The following GOLM2 variants were observed in gnomAD, a reference collection of about 807,000 sequenced individuals.
GOLM2 encodes the protein golgi membrane protein 2.
Under a neutral mutation model 55.9 loss-of-function variants are expected in GOLM2, and 26 were observed. The ratio of observed to expected loss-of-function variants is 0.47; its 90% confidence interval spans 0.34 to 0.65. GOLM2 has a LOEUF of 0.65. GOLM2 is among the 30% of genes least tolerant of loss of function. The pLI is 0.01. For missense variants in GOLM2, 486 were observed against 531.8 expected, an observed-to-expected ratio of 0.91 and a Z score of 0.85; for synonymous variants, 165 against 194.6, an observed-to-expected ratio of 0.85 and a Z score of 1.27.
intron 6 of GOLM2, among the ~76,000 whole-genome samples, chr15:44,358,568 A>G (rs994567564): frequency 6.6e-6 from 1 of 152,230 alleles, no homozygotes; most frequent in Non-Finnish European, 1.5e-5. Flanking sequence ...ACATAAATAT[A>G]GTCAACTGGT....
chr15:44,374,817 C>A lies in GOLM2; in HGVS notation c.803-4873C>A, dbSNP rs146338434. On this transcript the variant is annotated intron_variant, in intron 6 of 9. Transcript: ENST00000299957. The stretch of plus-strand genomic sequence containing the variant: ...CCAGTCACCTCTCACCAGGCCCCAC[C>A]TCCGACACTGGGGATTACAATTCAG... Among the ~76,000 whole-genome samples, 471 of 152,254 alleles carry A rather than the reference C, an allele frequency of 3.1e-3. 4 individuals carry two copies. The highest frequency in any genetic ancestry group is 0.01 in the Middle Eastern group (3 of 294).
intron 6 of GOLM2, among the ~76,000 whole-genome samples, chr15:44,349,808 T>C (rs963688771): frequency 2.1e-4 from 32 of 152,054 alleles, no homozygotes; most frequent in African/African-American, 7.5e-4. Flanking sequence ...TGAACCACAA[T>C]GGAATAAAAT....
At chr15:44,300,568 A>G (rs1055143241) in intron 1 of GOLM2, among the ~76,000 whole-genome samples, 1 of 152,216 alleles carries the variant, frequency 6.6e-6, no homozygotes, top group African/African-American at 2.4e-5. Context: ...AGGACATTCA[A>G]GGAGCTCCCT....
At chr15:44,295,021 A>G (rs562647117) in intron 1 of GOLM2, among the ~76,000 whole-genome samples, 38 of 151,934 alleles carry the variant, frequency 2.5e-4, no homozygotes, top group Admixed American at 9.2e-4. Flanking sequence ...TTTCTTTCAC[A>G]TTATTATGCC....
At chr15:44,369,099 A>AT (rs1161237789) in intron 6 of GOLM2, among the ~76,000 whole-genome samples, 1 of 94,232 alleles carries the variant, frequency 1.1e-5, no homozygotes, top group African/African-American at 3.9e-5. Flanking sequence ...ATATATATAT[A>AT]TATATATATA....
intron 8 of GOLM2, among the ~76,000 whole-genome samples, chr15:44,401,424 C>T (rs945444543): frequency 1.3e-5 from 2 of 152,028 alleles, no homozygotes; most frequent in African/African-American, 4.8e-5. Flanking sequence ...ACCACCATAC[C>T]CAGCTAATTT....
chr15:44,315,559 G>A (rs1017173976), intron 1 of GOLM2, among the ~76,000 whole-genome samples: 23 of 152,014 alleles, frequency 1.5e-4, no homozygotes, highest in Non-Finnish European at 2.2e-4. Flanking sequence ...AAAGATTAAG[G>A]GAAAATAAAT....
chr15:44,384,279 CTCTG>C (rs1299120764), intron 8 of GOLM2, among the ~76,000 whole-genome samples: 1 of 152,096 alleles, frequency 6.6e-6, no homozygotes, highest in Admixed American at 6.6e-5. Flanking sequence ...GCTTTTTTCT[CTCTG>C]TCTATGGAGT....
intron 8 of GOLM2, chr15:44,387,358 T>C (rs1374475402): frequency 6.6e-6 from 1 of 152,208 alleles, no homozygotes; most frequent in African/African-American, 2.4e-5. Flanking sequence ...GCACAAGTCT[T>C]GTGCTGCCTT....
At position 44,361,023 on chromosome 15, in the gene GOLM2, A is replaced by G. The variant is rs927562965; in HGVS notation, c.803-18667A>G. On this transcript the variant is annotated intron_variant, in intron 6 of 9. Coordinates refer to ENST00000299957, the MANE Select transcript of GOLM2 (RefSeq NM_138423.4). ...AAACCAACGAGAACAAAGACACAAC[A>G]TACCAGAATCTCTGGGACACATTCA... Among the ~76,000 whole-genome samples the G allele has an allele frequency of 2.6e-5, 4 of 151,472 alleles. No individual in the cohort carries two copies. In the East Asian group the frequency reaches 7.7e-4, roughly 29 times the overall value.
chr15:44,329,411 G>A (rs2079006709), intron 3 of GOLM2, among the ~76,000 whole-genome samples: 1 of 152,092 alleles, frequency 6.6e-6, no homozygotes, highest in South Asian at 2.1e-4. Flanking sequence ...TACTCTTGTA[G>A]GTTATCATTG....
chr15:44,321,570 T>A (rs887427377), intron 1 of GOLM2, among the ~76,000 whole-genome samples: 1 of 152,090 alleles, frequency 6.6e-6, no homozygotes, highest in African/African-American at 2.4e-5. Flanking sequence ...TATACAAATC[T>A]GCACATATTT....
chr15:44,368,438 T>C (rs993094377), intron 6 of GOLM2, among the ~76,000 whole-genome samples: 3 of 151,928 alleles, frequency 2.0e-5, no homozygotes, highest in Admixed American at 2.0e-4. Context: ...TGCTTGATAT[T>C]ATCCCAAACA....
chr15:44,408,805 CA>C (rs549775949), intron 9 of GOLM2, among the ~76,000 whole-genome samples: 7 of 151,992 alleles, frequency 4.6e-5, no homozygotes, highest in South Asian at 2.1e-4. Flanking sequence ...ACTAAAAATA[CA>C]AAAAAAATTC....
In GOLM2 at chr15:44,380,888, A is replaced by C. The variant is rs751682236; in HGVS notation, c.984A>C (p.Ser328=). 1.2e-6 allele frequency: 2 copies of C among 1,602,014 alleles called. No individual in the cohort carries two copies. ...SSPLQRLIPG[S]NLDSEPRIQT... is the part of the protein sequence containing the mutation. ...CTCTTCAGCGTTTAATTCCAGGCTC[A>C]AACTTGGACAGTGAACCCAGAATTC... The change falls in exon 8 of 10, where the codon TCA becomes TCC. Residue 328 remains serine, a synonymous_variant. Transcript: ENST00000299957.
intron 1 of GOLM2, chr15:44,307,281 C>T (rs1323047767): frequency 1.3e-5 from 2 of 151,082 alleles, no homozygotes; most frequent in Non-Finnish European, 2.9e-5. Context: ...GGTACGATCT[C>T]CGCTCACTGT....
intron 6 of GOLM2, among the ~76,000 whole-genome samples, chr15:44,367,245 G>C (rs904980846): frequency 2.9e-5 from 4 of 137,498 alleles, no homozygotes; most frequent in Non-Finnish European, 6.2e-5. Context: ...GGCCCTTTAA[G>C]AAAAAGTTTT....
intron 1 of GOLM2, among the ~76,000 whole-genome samples, chr15:44,292,216 T>TTTTTTTTTTG (rs2078725911): frequency 1.4e-5 from 2 of 146,286 alleles, no homozygotes; most frequent in Non-Finnish European, 3.0e-5. Context: ...TTTTTTTTTT[T>TTTTTTTTTTG]AGACAGAGTC....
chr15:44,393,452 T>C (rs1197395380), intron 8 of GOLM2, among the ~76,000 whole-genome samples: 1 of 152,196 alleles, frequency 6.6e-6, no homozygotes, highest in Admixed American at 6.5e-5. Flanking sequence ...ATCCCAATTA[T>C]AATCCCAGCA....
Sources: allele counts gnomAD v4.1 joint callset (sites outside exome capture counted in the v4.1 genomes callset), GRCh38; gene constraint gnomAD v4.1.1; transcripts MANE v1.5; gene names NCBI Gene and HGNC (gene_info 2026-07-23, HGNC 2026-07-21).